KIAA2012: variants seen among roughly 807,000 people sequenced by gnomAD.
KIAA2012 encodes the protein KIAA2012.
In KIAA2012, 125 loss-of-function variants were observed where a neutral mutation model predicts 150.6. The ratio of observed to expected loss-of-function variants is 0.83; its 90% CI spans 0.72 to 0.96. The LOEUF (loss-of-function observed/expected upper bound fraction) is 0.96, where lower values mean the gene tolerates loss of function less well. Among genes scored for constraint, KIAA2012 ranks in the 40% least tolerant of loss-of-function variants. KIAA2012 has a pLI of 0.00. For missense variants in KIAA2012, 1,219 were observed against 1,354.9 expected (o/e 0.90, Z 1.57); for synonymous variants, 462 against 504.7 (o/e 0.92, Z 1.13).
chr2:202,166,740 T>C (rs772113534), intron 15 of KIAA2012, among the ~76,000 whole-genome samples: 7 of 152,018 alleles, frequency 4.6e-5, no homozygotes, highest in Non-Finnish European at 8.8e-5. Flanking sequence ...TTTTTCCTAC[T>C]CTAAATTAAG....
At chr2:202,093,755 T>G (rs577465476) in intron 4 of KIAA2012, among the ~76,000 whole-genome samples, 312 of 152,328 alleles carry the variant, frequency 2.0e-3, no homozygotes, top group Non-Finnish European at 3.8e-3. Context: ...CACAGTAAGA[T>G]CTACATAGTA....
intron 12 of KIAA2012, chr2:202,137,225 C>T (rs1209408615): frequency 6.6e-6 from 1 of 151,896 alleles, no homozygotes; most frequent in African/African-American, 2.4e-5. Flanking sequence ...ACATTCGTCC[C>T]ACAGAAGAAA....
intron 4 of KIAA2012, among the ~76,000 whole-genome samples, chr2:202,095,669 G>A (rs2105917863): frequency 6.6e-6 from 1 of 152,260 alleles, no homozygotes; most frequent in Admixed American, 6.5e-5. Flanking sequence ...AAAAAATTCT[G>A]TTTCCCCTCG....
intron 2 of KIAA2012, among the ~76,000 whole-genome samples, chr2:202,077,781 G>A (rs947022806): frequency 5.3e-5 from 8 of 151,840 alleles, no homozygotes; most frequent in Non-Finnish European, 7.4e-5. Flanking sequence ...GACCAGCCTG[G>A]GCAACATAAT....
intron 15 of KIAA2012, among the ~76,000 whole-genome samples, chr2:202,176,806 A>G (rs1692000162): frequency 6.6e-6 from 1 of 152,224 alleles, no homozygotes; most frequent in Admixed American, 6.5e-5. Flanking sequence ...ATCATTTCAT[A>G]TATATCAGAC....
intron 12 of KIAA2012, among the ~76,000 whole-genome samples, chr2:202,131,008 C>G (rs1192806643): frequency 1.3e-5 from 2 of 152,202 alleles, no homozygotes; most frequent in Non-Finnish European, 2.9e-5. Flanking sequence ...CTCTCCCTTG[C>G]TCCTTTCATA....
At chr2:202,187,633 G>C (rs1224801669) in intron 17 of KIAA2012, among the ~76,000 whole-genome samples, 1 of 152,184 alleles carries the variant, frequency 6.6e-6, no homozygotes, top group Non-Finnish European at 1.5e-5. Flanking sequence ...CAAAGGTACT[G>C]AGTGGGTAGT....
chr2:202,093,467 A>T (rs906567784), intron 4 of KIAA2012, among the ~76,000 whole-genome samples: 1 of 152,134 alleles, frequency 6.6e-6, no homozygotes, highest in Non-Finnish European at 1.5e-5. Context: ...TTTTTATTTT[A>T]TATTAATTAA....
At chr2:202,098,828 G>T (rs991017738) in intron 5 of KIAA2012, among the ~76,000 whole-genome samples, 89 of 145,824 alleles carry the variant, frequency 6.1e-4, no homozygotes, top group African/African-American at 2.2e-3. Context: ...GTGCACGCGC[G>T]CGCGCGCGCA....
chr2:202,120,804 C>T (rs1690637120), intron 11 of KIAA2012, among the ~76,000 whole-genome samples: 1 of 152,162 alleles, frequency 6.6e-6, no homozygotes, highest in African/African-American at 2.4e-5. Flanking sequence ...ACATTTGGTA[C>T]TCCCAGAGTA....
chr2:202,198,174 C>CAAAA (rs1009971980), intron 22 of KIAA2012, among the ~76,000 whole-genome samples: 20 of 67,048 alleles, frequency 3.0e-4, no homozygotes, highest in Non-Finnish European at 4.3e-4. Flanking sequence ...GGCTCTTTCT[C>CAAAA]AAAAAAAAAA....
At chr2:202,080,102 AG>A (rs2105908840) in intron 2 of KIAA2012, among the ~76,000 whole-genome samples, 1 of 152,316 alleles carries the variant, frequency 6.6e-6, no homozygotes, top group Non-Finnish European at 1.5e-5. Context: ...CGGATTCCAA[AG>A]CCCCACGTTT....
In KIAA2012 at chr2:202,113,592, G is replaced by A. The variant is rs1157616751; in HGVS notation, c.1762+146G>A. On this transcript the variant is annotated intron_variant, in intron 11 of 23. Transcript: ENST00000498697. ...GTTTCTCCCCTTTCACCGACACAGA[G>A]GTGCTTCTGTAGCTCAGAGACAATG... 11 of 605,056 alleles carry A rather than the reference G, an allele frequency of 1.8e-5. No homozygotes were observed. In the East Asian group the frequency reaches 3.1e-4, roughly 17 times the overall value. 37.5% of individuals were successfully genotyped at this position (605,056 alleles called of 1,614,324 possible).
At position 202,088,455 on chromosome 2, in the gene KIAA2012, T is replaced by C. The variant is rs578229487; in HGVS notation, c.370-2315T>C. Among the ~76,000 whole-genome samples the C allele has an allele frequency of 3.1e-4, 47 of 152,336 alleles. No homozygotes were observed. In the South Asian group the frequency reaches 9.7e-3, roughly 32 times the overall value. ...AAATTATTCAGAGAAGAAATTAACA[T>C]GCCCAAGGATGGGGCAAGATCTCAA... On this transcript the variant is annotated intron_variant, in intron 2 of 23. Coordinates refer to ENST00000498697, the MANE Select transcript of KIAA2012 (RefSeq NM_001277372.4).
chr2:202,133,109 A>AAAAATATATATATATATATAT (rs766606713), intron 12 of KIAA2012, among the ~76,000 whole-genome samples: 1 of 87,880 alleles, frequency 1.1e-5, no homozygotes, highest in African/African-American at 4.7e-5. Flanking sequence ...TCTAAAAAAA[A>AAAAATATATATATATATATAT]ATATATATAT....
intron 15 of KIAA2012, among the ~76,000 whole-genome samples, chr2:202,179,030 GAAAT>G (rs577258686): frequency 6.6e-6 from 1 of 152,134 alleles, no homozygotes; most frequent in South Asian, 2.1e-4. Context: ...AAACTGAGAA[GAAAT>G]AAATTAATTC....
intron 13 of KIAA2012, among the ~76,000 whole-genome samples, chr2:202,140,026 A>G (rs982493691): frequency 6.6e-6 from 1 of 152,100 alleles, no homozygotes; most frequent in Non-Finnish European, 1.5e-5. Context: ...TCAGGAGTTC[A>G]AGACCAGCCT....
intron 20 of KIAA2012, among the ~76,000 whole-genome samples, 185 bp downstream of exon 20, chr2:202,193,688 G>A (rs987472651): frequency 6.6e-6 from 1 of 152,148 alleles, no homozygotes; most frequent in African/African-American, 2.4e-5. Flanking sequence ...AAACTGTAGC[G>A]TCTCAACCAT....
At chr2:202,130,167 C>CA (rs1222483579) in intron 12 of KIAA2012, among the ~76,000 whole-genome samples, 2 of 151,992 alleles carry the variant, frequency 1.3e-5, no homozygotes, top group African/African-American at 2.4e-5. Context: ...GGTTCTCTGC[C>CA]AAAAAAATAG....
Sources: gnomAD v4.1 joint callset for allele counts (sites outside exome capture counted in the v4.1 genomes callset) on GRCh38, gnomAD v4.1.1 for gene constraint, MANE v1.5 for transcripts, NCBI Gene and HGNC (gene_info 2026-07-23, HGNC 2026-07-21) for gene names.